The following OR2F1 variants were observed in gnomAD, a reference collection of about 807,000 sequenced individuals.
The protein encoded by OR2F1 is olfactory receptor family 2 subfamily F member 1.
For synonymous variants in OR2F1, 146 were observed against 155.3 expected (o/e 0.94, Z 0.44); for missense variants, 389 against 378.2 (o/e 1.03, Z -0.24).
rs2050329593 is a variant in OR2F1, at chr7:143,961,406, C to G, written c.*482C>G. On this transcript the variant is annotated 3_prime_UTR_variant, in exon 3 of 3. Coordinates refer to ENST00000641412, the MANE Select transcript of OR2F1 (RefSeq NM_012369.3). ...TGCAGTAATTGTGTGAGTCAACATT[C>G]TGAGAAAAGTGTTATTGTCAAGGCT... 6.4e-6 allele frequency: 1 copy of G among 157,420 alleles called. No homozygotes were observed. Among genetic ancestry groups the G allele is most frequent in the Non-Finnish European group, 1.4e-5 (1 of 70,966 alleles). 9.8% of individuals were successfully genotyped at this position (157,420 alleles called of 1,614,324 possible).
rs759182821 is a variant in OR2F1 at position 143,960,726 on chromosome 7, T to A, written c.756T>A (p.Tyr252Ter). Residue 252 changes from tyrosine (Y) to a stop codon, truncating the protein, a stop_gained, in exon 3 of 3, where the codon TAT (tyrosine) becomes TAA (stop). Transcript: ENST00000641412. LOFTEE classifies it low-confidence loss of function (END_TRUNC). ...ACCTCACAGTGGTTGCCCTGTGCTA[T>A]GGTGTGGCCATTTTCACTTACATCC... The part of the protein sequence containing the change: ...ASHLTVVALC[Y>*]GVAIFTYIQP... The A allele has an allele frequency of 1.1e-5, 18 of 1,613,804 alleles. No homozygotes were observed. Among genetic ancestry groups the A allele is most frequent in the Non-Finnish European group, 1.5e-5 (18 of 1,179,964 alleles).
At chr7:143,956,754 G>T (rs1328693076) in intron 1 of OR2F1, among the ~76,000 whole-genome samples, 2 of 152,056 alleles carry the variant, frequency 1.3e-5, no homozygotes, top group African/African-American at 4.8e-5. Context: ...GATTTTGGGA[G>T]TGAATGGAAG....
chr7:143,961,002 A>G lies in OR2F1; in HGVS notation c.*78A>G. The stretch of plus-strand genomic sequence containing the variant: ...CTGAGATCTGACAGGTGTAAACTAC[A>G]TTGCCCTGGCAACCAGGAAGGAGAT... On this transcript the variant is annotated 3_prime_UTR_variant, in exon 3 of 3. Transcript: ENST00000641412. 1 of 1,107,576 alleles carries G rather than the reference A, an allele frequency of 9.0e-7. No individual in the cohort carries two copies. The highest frequency in any genetic ancestry group is 1.3e-6 in the Non-Finnish European group (1 of 761,320). 68.6% of individuals were successfully genotyped at this position (1,107,576 alleles called of 1,614,324 possible).
At position 143,960,132 on chromosome 7, in the gene OR2F1, A is replaced by C; in HGVS notation, c.162A>C (p.Arg54=). The change falls in exon 3 of 3, where the codon CGA becomes CGC. Residue 54 remains arginine, a synonymous_variant. Transcript: ENST00000641412. ...TCCTTCTGATCAGACTGGACAGCCG[A>C]CTCCACACTCCCATGTATTTCTTTC... ...LIVLLIRLDS[R]LHTPMYFFLT... The C allele has an allele frequency of 6.2e-7, 1 of 1,612,804 alleles. No homozygotes were observed. Among genetic ancestry groups the C allele is most frequent in the Non-Finnish European group, 8.5e-7 (1 of 1,179,674 alleles).
At chr7:143,956,179 T>C (rs1192208436) in intron 1 of OR2F1, among the ~76,000 whole-genome samples, 2 of 152,084 alleles carry the variant, frequency 1.3e-5, no homozygotes, top group Non-Finnish European at 2.9e-5. Flanking sequence ...ATAGAAGTGG[T>C]TGGATATGAA....
chr7:143,961,037 T>G lies in OR2F1; in HGVS notation c.*113T>G. 1.3e-6 allele frequency: 1 copy of G among 767,880 alleles called. No homozygotes were observed. The highest frequency in any genetic ancestry group is 2.1e-6 in the Non-Finnish European group (1 of 468,170). 47.6% of individuals were successfully genotyped at this position (767,880 alleles called of 1,614,324 possible). ...CAACCAGGAAGGAGATGACGTAGCATGTACTGTGGATGTTATGGAGGAGGG... is the reference window on the plus strand; with the variant it reads ...CAACCAGGAAGGAGATGACGTAGCAGGTACTGTGGATGTTATGGAGGAGGG... On this transcript the variant is annotated 3_prime_UTR_variant, in exon 3 of 3. Coordinates refer to ENST00000641412, the MANE Select transcript of OR2F1 (RefSeq NM_012369.3).
In OR2F1 at chr7:143,960,932, G is replaced by C; in HGVS notation, c.*8G>C. ...TCAAAGCTGGCAACTTGACTCATGA[G>C]TATGACTTAGAGAAAACAGCTTTGC... On this transcript the variant is annotated 3_prime_UTR_variant, in exon 3 of 3. Coordinates refer to ENST00000641412, the MANE Select transcript of OR2F1 (RefSeq NM_012369.3). The C allele has an allele frequency of 6.3e-7, 1 of 1,589,576 alleles. No homozygotes were observed. Among genetic ancestry groups the C allele is most frequent in the Non-Finnish European group, 8.6e-7 (1 of 1,166,876 alleles).
rs1212323535 is a variant in OR2F1 at position 143,959,932 on chromosome 7, C to T, written c.-23-16C>T. ...GTTATTCAACAGCTTCTGTTTTTTT[C>T]TGACTCCCTTCACAGATTAATAATC... On this transcript the variant is annotated splice_polypyrimidine_tract_variant and intron_variant, in intron 2 of 2. Coordinates refer to ENST00000641412, the MANE Select transcript of OR2F1 (RefSeq NM_012369.3). The T allele has an allele frequency of 2.0e-6, 3 of 1,465,204 alleles. No homozygotes were observed. The highest frequency in any genetic ancestry group is 2.1e-5 in the Admixed American group (1 of 48,168). The allele number at this position is 1,465,204 out of a possible 1,614,324, so 90.8% of individuals were successfully genotyped here.
At chr7:143,956,097 A>T (rs767758755) in intron 1 of OR2F1, among the ~76,000 whole-genome samples, 1 of 152,170 alleles carries the variant, frequency 6.6e-6, no homozygotes, top group Non-Finnish European at 1.5e-5. Flanking sequence ...GTTGACCTCA[A>T]TGAATGTCAC....
In OR2F1 at chr7:143,962,439, A is replaced by T. The variant is rs963543261; in HGVS notation, c.*1515A>T. On this transcript the variant is annotated 3_prime_UTR_variant, in exon 3 of 3. Coordinates refer to ENST00000641412, the MANE Select transcript of OR2F1 (RefSeq NM_012369.3). ...ATATGATACCATCATAACAAGGATA[A>T]TCTCACATAGTAGGGAGGACAGATG... is the stretch of plus-strand genomic sequence containing the variant. 2.6e-5 allele frequency: 4 copies of T among 152,266 alleles called. No homozygotes were observed. The highest frequency in any genetic ancestry group is 9.6e-5 in the African/African-American group (4 of 41,478). The allele number at this position is 152,266 out of a possible 1,614,324, so 9.4% of individuals were successfully genotyped here.
At position 143,960,796 on chromosome 7, in the gene OR2F1, G is replaced by T; in HGVS notation, c.826G>T (p.Val276Phe). 6.2e-7 allele frequency: 1 copy of T among 1,614,086 alleles called. No homozygotes were observed. Among genetic ancestry groups the T allele is most frequent in the Non-Finnish European group, 8.5e-7 (1 of 1,180,030 alleles). The change falls in exon 3 of 3, where the codon GTC becomes TTC. Residue 276 changes from valine to phenylalanine, a missense_variant. Coordinates refer to ENST00000641412, the MANE Select transcript of OR2F1 (RefSeq NM_012369.3). Reference protein sequence around the residue: ...PSVLQEKLFSVFYAILTPMLN... With the variant: ...PSVLQEKLFSFFYAILTPMLN... ...TGTCCTTCAGGAGAAGTTGTTCTCTGTCTTTTATGCCATTTTAACACCAAT... is the reference window on the plus strand; with the variant it reads ...TGTCCTTCAGGAGAAGTTGTTCTCTTTCTTTTATGCCATTTTAACACCAAT...
rs575373823 is a variant in OR2F1, at chr7:143,962,649, C to T, written c.*1725C>T. 6.6e-6 allele frequency: 1 copy of T among 152,252 alleles called. No homozygotes were observed. The highest frequency in any genetic ancestry group is 2.4e-5 in the African/African-American group (1 of 41,552). The allele number at this position is 152,252 out of a possible 1,614,324, so 9.4% of individuals were successfully genotyped here. A position where few individuals can be genotyped will look rare whatever the true frequency, so the allele number is the denominator to read the frequency against. On this transcript the variant is annotated 3_prime_UTR_variant, in exon 3 of 3. Transcript: ENST00000641412. ...ACAAAGTTGTAGAGATGTGAGCAAG[C>T]ATGAAAGTCCAAAAAATGTTGGAAG... is the stretch of plus-strand genomic sequence containing the variant.
intron 1 of OR2F1, among the ~76,000 whole-genome samples, chr7:143,957,496 C>G (rs746137164): frequency 6.6e-6 from 1 of 152,020 alleles, no homozygotes; most frequent in Non-Finnish European, 1.5e-5. Context: ...GGAAATAAAT[C>G]CAGACAATGG....
rs1455110896 is a variant in OR2F1 at position 143,954,882 on chromosome 7, T to A, written c.-401T>A. 2 of 152,202 alleles carry A rather than the reference T, an allele frequency of 1.3e-5. No individual in the cohort carries two copies. Among genetic ancestry groups the A allele is most frequent in the African/African-American group, 2.4e-5 (1 of 41,454 alleles). The allele number at this position is 152,202 out of a possible 1,614,324, so 9.4% of individuals were successfully genotyped here. A position where few individuals can be genotyped will look rare whatever the true frequency, so the allele number is the denominator to read the frequency against. ...GATTCCATGGAATCAATGAATTGAT[T>A]TGCTTTACTAAAGAGAGATCTTGAC... On this transcript the variant is annotated 5_prime_UTR_variant, in exon 1 of 3. It adds an upstream start codon to the 5' untranslated region. Transcript: ENST00000641412.
Position 143,962,393 on chromosome 7 carries a change from G to T in OR2F1, c.*1469G>T, listed in dbSNP as rs1381481335. Reference sequence around the variant, plus strand: ...CTATTCTGTGTCAGTGTCAATAAATGGTTGTTGCACACAATAGTCAATATG... The same window carrying T: ...CTATTCTGTGTCAGTGTCAATAAATTGTTGTTGCACACAATAGTCAATATG... On this transcript the variant is annotated 3_prime_UTR_variant, in exon 3 of 3. Transcript: ENST00000641412. 3.3e-5 allele frequency: 5 copies of T among 152,196 alleles called. No homozygotes were observed. Among genetic ancestry groups the T allele is most frequent in the Admixed American group, 3.3e-4 (5 of 15,286 alleles). 9.4% of individuals were successfully genotyped at this position (152,196 alleles called of 1,614,324 possible).
In OR2F1 at chr7:143,959,850, T is replaced by C. The variant is rs796103507; in HGVS notation, c.-23-98T>C. On this transcript the variant is annotated intron_variant, in intron 2 of 2. Transcript: ENST00000641412. ...ATTTTGGCCAATAAATGATCTAAAA[T>C]ACCTGCCTAGGGCTGGCTGGCATGT... 16 of 748,406 alleles carry C rather than the reference T, an allele frequency of 2.1e-5. No homozygotes were observed. The African/African-American group carries it at 2.8e-4, about 13-fold the overall frequency. The allele number at this position is 748,406 out of a possible 1,614,324, so 46.4% of individuals were successfully genotyped here. A position where few individuals can be genotyped will look rare whatever the true frequency, so the allele number is the denominator to read the frequency against.
chr7:143,956,999 C>T (rs186869293), intron 1 of OR2F1, among the ~76,000 whole-genome samples: 12 of 152,166 alleles, frequency 7.9e-5, no homozygotes, highest in South Asian at 2.1e-4. Flanking sequence ...GAATTTCATT[C>T]GTGGATAGAG....
intron 1 of OR2F1, among the ~76,000 whole-genome samples, chr7:143,958,390 A>G (rs2050300150): frequency 6.6e-6 from 1 of 152,188 alleles, no homozygotes; most frequent in Non-Finnish European, 1.5e-5. Flanking sequence ...ATCAGGACAG[A>G]GCAGTAAAGG....
intron 1 of OR2F1, among the ~76,000 whole-genome samples, chr7:143,957,510 C>A (rs2050293775): frequency 6.6e-6 from 1 of 152,066 alleles, no homozygotes; most frequent in Non-Finnish European, 1.5e-5. Context: ...ACAATGGATT[C>A]CAATCATTAG....
Sources: allele counts gnomAD v4.1 joint callset (sites outside exome capture counted in the v4.1 genomes callset), GRCh38; gene constraint gnomAD v4.1.1; transcripts MANE v1.5; gene names NCBI Gene and HGNC (gene_info 2026-07-23, HGNC 2026-07-21).